The following UGGT1 variants were observed in gnomAD, a reference collection of about 807,000 sequenced individuals.
UGGT1 encodes UDP-glucose glycoprotein glucosyltransferase 1, also known as UDP-glucose:glycoprotein glucosyltransferase 1.
Under a neutral mutation model 203.9 loss-of-function variants are expected in UGGT1, and 107 were observed. That is an observed-to-expected ratio of 0.52 (90% CI 0.45 to 0.62). The LOEUF (loss-of-function observed/expected upper bound fraction) is 0.62. UGGT1 is among the 20% of genes least tolerant of loss of function. The pLI, the probability that UGGT1 is intolerant of heterozygous loss-of-function variation, is 0.00. For missense variants in UGGT1, 1,673 were observed against 1,867.2 expected, an observed-to-expected ratio of 0.90 and a Z score of 1.92; for synonymous variants, 628 against 653.5, an observed-to-expected ratio of 0.96 and a Z score of 0.59.
intron 1 of UGGT1, among the ~76,000 whole-genome samples, chr2:128,091,962 C>G (rs1410653703): frequency 6.6e-6 from 1 of 152,160 alleles, no homozygotes; most frequent in African/African-American, 2.4e-5. Context: ...TAGATGTGAA[C>G]TGTTTTTGTT....
intron 17 of UGGT1, chr2:128,145,534 A>C: frequency 3.1e-6 from 1 of 321,322 alleles, no homozygotes; most frequent in Non-Finnish European, 5.8e-6. Flanking sequence ...ATACACAAAC[A>C]CACGTACACA....
chr2:128,146,087 G>A (rs1234761645), intron 18 of UGGT1, 120 bp downstream of exon 18: 5 of 1,226,334 alleles, frequency 4.1e-6, no homozygotes, highest in Non-Finnish European at 5.7e-6. Context: ...GCGAGAGGAT[G>A]GTTTGAGGGT....
chr2:128,106,937 C>T (rs1359916899), intron 3 of UGGT1, among the ~76,000 whole-genome samples: 1 of 152,138 alleles, frequency 6.6e-6, no homozygotes, highest in East Asian at 1.9e-4. Context: ...CCTGCCTCGG[C>T]CTCCTAAAGT....
At chr2:128,128,859 T>G (rs1026724360) in intron 12 of UGGT1, among the ~76,000 whole-genome samples, 170 bp from the exon 13 acceptor site, 3 of 152,212 alleles carry the variant, frequency 2.0e-5, no homozygotes, top group Admixed American at 1.3e-4. Context: ...GGTGTAAAAG[T>G]ATAGATTTAG....
intron 12 of UGGT1, among the ~76,000 whole-genome samples, chr2:128,128,594 G>A (rs942692877): frequency 6.6e-6 from 1 of 152,164 alleles, no homozygotes. Flanking sequence ...TTACAGGCAT[G>A]AGCCACCGCG....
chr2:128,179,624 C>T (rs1404142047), intron 34 of UGGT1, among the ~76,000 whole-genome samples, 162 bp from the exon 35 acceptor site: 1 of 152,156 alleles, frequency 6.6e-6, no homozygotes, highest in Non-Finnish European at 1.5e-5. Context: ...GGAGTAAGTA[C>T]AATTTTTCAT....
In UGGT1 at chr2:128,174,824, A is replaced by G. The variant is rs1212539156; in HGVS notation, c.3505A>G (p.Lys1169Glu). 6.2e-7 allele frequency: 1 copy of G among 1,613,442 alleles called. No individual in the cohort carries two copies. Among genetic ancestry groups the G allele is most frequent in the African/African-American group, 1.3e-5 (1 of 74,886 alleles). Residue 1169 changes from lysine to glutamate, a missense_variant, in exon 31 of 41, where the codon AAG (lysine) becomes GAG (glutamate). Transcript: ENST00000259253. ...AGGAGCTTGGATCCTCAGACTTAGGAAGGGACGCTCTGAAGATATTTATAG... is the reference window on the plus strand; with the variant it reads ...AGGAGCTTGGATCCTCAGACTTAGGGAGGGACGCTCTGAAGATATTTATAG... ...NPGAWILRLRKGRSEDIYRIY... is the reference protein window; with the variant it reads ...NPGAWILRLREGRSEDIYRIY...
chr2:128,145,768 A>G, intron 17 of UGGT1, 35 bp from the exon 18 acceptor site: 1 of 1,505,290 alleles, frequency 6.6e-7, no homozygotes, highest in Non-Finnish European at 8.9e-7. Flanking sequence ...ACAAAAGGCA[A>G]AAATATACTG....
intron 23 of UGGT1, 135 bp from the exon 24 acceptor site, chr2:128,160,325 A>G: frequency 1.1e-6 from 1 of 892,358 alleles, no homozygotes; most frequent in Non-Finnish European, 1.6e-6. Flanking sequence ...GAATTGACAC[A>G]TCTTAATGTT....
intron 4 of UGGT1, 42 bp downstream of exon 4, chr2:128,108,110 A>G (rs927604992): frequency 2.5e-6 from 4 of 1,604,090 alleles, no homozygotes; most frequent in Admixed American, 1.7e-5. Flanking sequence ...TAGAGTGTAT[A>G]TCATGATGAA....
At chr2:128,136,731 G>T (rs906580218) in intron 15 of UGGT1, among the ~76,000 whole-genome samples, 24 of 152,242 alleles carry the variant, frequency 1.6e-4, no homozygotes, top group Non-Finnish European at 4.4e-5. Flanking sequence ...ATACCGAGGA[G>T]CGTGATTGCT....
At chr2:128,107,716 G>A (rs902473946) in intron 3 of UGGT1, among the ~76,000 whole-genome samples, 3 of 152,142 alleles carry the variant, frequency 2.0e-5, no homozygotes, top group Admixed American at 1.3e-4. Flanking sequence ...GGAAAATAGC[G>A]GTCCAGGGGA....
rs1206322876 is a variant in UGGT1 at position 128,160,244 on chromosome 2, G to A, written c.2563-216G>A. Among the ~76,000 whole-genome samples, 8 of 152,134 alleles carry A rather than the reference G, an allele frequency of 5.3e-5. No homozygotes were observed. In the East Asian group the frequency reaches 1.3e-3, roughly 26 times the overall value. On this transcript the variant is annotated intron_variant, in intron 23 of 40. Coordinates refer to ENST00000259253, the MANE Select transcript of UGGT1 (RefSeq NM_020120.4). Reference sequence around the variant, plus strand: ...AGGAATGATGAATAGTCTGCTAGTCGAACAAATCACAGGAAAAGATAAGGA... The same window carrying A: ...AGGAATGATGAATAGTCTGCTAGTCAAACAAATCACAGGAAAAGATAAGGA...
Position 128,091,348 on chromosome 2 carries a change from C to T in UGGT1, c.-10C>T. ...CTCTGGCACTGTGGCGGACTGACCA[C>T]GGCCCGGGCATGGGCTGCAAGGGAG... On this transcript the variant is annotated 5_prime_UTR_variant, in exon 1 of 41. The change creates a new upstream start codon in the 5' untranslated region. Transcript: ENST00000259253. 4 of 1,556,470 alleles carry T rather than the reference C, an allele frequency of 2.6e-6. No individual in the cohort carries two copies. The highest frequency in any genetic ancestry group is 3.5e-6 in the Non-Finnish European group (4 of 1,150,484).
At chr2:128,120,761 G>A (rs139616036) in intron 9 of UGGT1, among the ~76,000 whole-genome samples, 4 of 152,266 alleles carry the variant, frequency 2.6e-5, no homozygotes, top group African/African-American at 9.6e-5. Context: ...TTCTTCAACT[G>A]TTTATCTATA....
Position 128,155,593 on chromosome 2 carries a change from C to A in UGGT1, c.2236+6C>A, listed in dbSNP as rs371552648. On this transcript the variant is annotated splice_donor_region_variant and intron_variant, in intron 20 of 40. Coordinates refer to ENST00000259253, the MANE Select transcript of UGGT1 (RefSeq NM_020120.4). ...GAACTATCTGACAAAGAAAGGTAAT[C>A]CATTTGAGGCTTATTATCTTGCATT... 43 of 1,601,422 alleles carry A rather than the reference C, an allele frequency of 2.7e-5. No homozygotes were observed. The highest frequency in any genetic ancestry group is 3.6e-5 in the Non-Finnish European group (42 of 1,173,682).
rs1228751555 is a variant in UGGT1 at position 128,117,960 on chromosome 2, TTG to T, written c.872+1633_872+1634del. The stretch of plus-strand genomic sequence containing the variant: ...ATCTGGCAGTTTTTATTAGGACATT[TTG>T]TGTGTGTGTGTGTGTCTGTGTGTGT... On this transcript the variant is annotated intron_variant, in intron 8 of 40. Coordinates refer to ENST00000259253, the MANE Select transcript of UGGT1 (RefSeq NM_020120.4). Among the ~76,000 whole-genome samples the T allele has an allele frequency of 8.9e-3, 259 of 29,250 alleles. 1 individual carries two copies. The highest frequency in any genetic ancestry group is 0.014 in the African/African-American group (244 of 17,332). The allele number at this position is 29,250 out of a possible 152,430, so 19.2% of individuals were successfully genotyped here. A position where few individuals can be genotyped will look rare whatever the true frequency, so the allele number is the denominator to read the frequency against.
chr2:128,100,149 G>T lies in UGGT1; in HGVS notation c.194+2585G>T, dbSNP rs140423778. ...GGTTCAAGCCCATTCTCATTCTCCT[G>T]CCTTAGCCTCCCAAGTAGCTGGGAT... On this transcript the variant is annotated intron_variant, in intron 2 of 40. Coordinates refer to ENST00000259253, the MANE Select transcript of UGGT1 (RefSeq NM_020120.4). Among the ~76,000 whole-genome samples, 66 of 149,424 alleles carry T rather than the reference G, an allele frequency of 4.4e-4. 2 individuals carry two copies. The highest frequency in any genetic ancestry group is 1.5e-3 in the African/African-American group (62 of 40,668).
At chr2:128,100,732 A>G (rs987771075) in intron 2 of UGGT1, among the ~76,000 whole-genome samples, 6 of 152,144 alleles carry the variant, frequency 3.9e-5, no homozygotes, top group Non-Finnish European at 8.8e-5. Flanking sequence ...TCTGTTTAAC[A>G]TTCTTACCCT....
Sources: allele counts gnomAD v4.1 joint callset (sites outside exome capture counted in the v4.1 genomes callset), GRCh38; gene constraint gnomAD v4.1.1; transcripts MANE v1.5; gene names NCBI Gene and HGNC (gene_info 2026-07-23, HGNC 2026-07-21).